Variants in DST observed in about 807,000 individuals in gnomAD.
DST encodes dystonin.
In DST, 253 loss-of-function variants were observed where a neutral mutation model predicts 875.2. The observed-to-expected ratio is 0.29, with a 90% CI of 0.26 to 0.32. DST has a LOEUF of 0.32. Among genes scored for constraint, DST ranks in the 10% least tolerant of loss-of-function variants. The pLI, the probability that DST is intolerant of heterozygous loss-of-function variation, is 1.00. For synonymous variants in DST, 3,124 were observed against 3,197.1 expected (o/e 0.98, Z 0.77); for missense variants, 8,287 against 9,111.6 (o/e 0.91, Z 3.68).
In DST at chr6:56,607,156, A is replaced by G. The variant is rs370594652; in HGVS notation, c.7472T>C (p.Leu2491Pro). Residue 2491 changes from leucine (L) to proline (P), a missense_variant, in exon 40 of 104, where the codon CTG (leucine) becomes CCG (proline). By Grantham distance (98) the Leu-to-Pro change is moderately conservative. This residue lies in a region of DST where 3,138 missense variants were observed against 3,116.6 expected (regional missense o/e 1.01). Transcript: ENST00000680361. ...ACTGATGTTAATAGCTGCAATTCCC[A>G]GAAACTGGTCTTGAAATTTTTCTCC... Reference protein sequence around the residue: ...RIGEKFQDQFLGIAAINISLP... With the variant: ...RIGEKFQDQFPGIAAINISLP... The G allele has an allele frequency of 5.0e-6, 8 of 1,613,308 alleles. No individual in the cohort carries two copies. The African/African-American group carries it at 1.1e-4, about 22-fold the overall frequency.
chr6:56,637,297 A>C (rs2098835346), intron 22 of DST, among the ~76,000 whole-genome samples: 1 of 152,164 alleles, frequency 6.6e-6, no homozygotes, highest in African/African-American at 2.4e-5. Context: ...TACGGGAAAA[A>C]ATATTTAAAA....
At chr6:56,661,590 G>GTTT (rs111894650) in intron 10 of DST, among the ~76,000 whole-genome samples, 33 of 145,570 alleles carry the variant, frequency 2.3e-4, no homozygotes, top group African/African-American at 8.0e-4. Flanking sequence ...CACTCTAACA[G>GTTT]TTTTTTTTTT....
chr6:56,646,212 C>A, intron 13 of DST, 30 bp from the exon 14 acceptor site: 1 of 1,267,242 alleles, frequency 7.9e-7, no homozygotes, highest in Non-Finnish European at 1.1e-6. Context: ...AAATTAAGGA[C>A]CAAACTTAAA....
intron 49 of DST, among the ~76,000 whole-genome samples, chr6:56,587,809 C>A (rs558779958): frequency 6.6e-6 from 1 of 151,962 alleles, no homozygotes; most frequent in Admixed American, 6.6e-5. Flanking sequence ...TCCAGCCAAA[C>A]TAAGCTTCAT....
intron 4 of DST, chr6:56,842,974 G>C: frequency 7.9e-7 from 1 of 1,258,816 alleles, no homozygotes; most frequent in South Asian, 3.0e-5. Flanking sequence ...CCCAAGGAGT[G>C]GTGGCTCTGA....
intron 2 of DST, among the ~76,000 whole-genome samples, chr6:56,937,288 G>T (rs1225771353): frequency 3.3e-5 from 5 of 151,944 alleles, no homozygotes; most frequent in Non-Finnish European, 7.4e-5. Context: ...TAAAGAATTT[G>T]TATCCAGAAT....
chr6:56,611,692 C>A, intron 37 of DST, 96 bp from the exon 38 acceptor site: 1 of 856,448 alleles, frequency 1.2e-6, no homozygotes, highest in Admixed American at 2.6e-5. Flanking sequence ...TTAGTCAAGA[C>A]CCAAGTCTAT....
At chr6:56,893,475 T>C (rs1022739596) in intron 3 of DST, among the ~76,000 whole-genome samples, 4 of 149,744 alleles carry the variant, frequency 2.7e-5, no homozygotes, top group African/African-American at 4.9e-5. Flanking sequence ...CGTGTACAAG[T>C]ATATTTTTCA....
intron 5 of DST, among the ~76,000 whole-genome samples, chr6:56,722,794 T>C (rs1488923446): frequency 6.6e-6 from 1 of 152,180 alleles, no homozygotes; most frequent in African/African-American, 2.4e-5. Flanking sequence ...TAGCTGAACA[T>C]GTACAAAGGC....
rs13209548 is a variant in DST at position 56,605,892 on chromosome 6, G to A, written c.8736C>T (p.Asn2912=). 0.39 allele frequency: 630,016 copies of A among 1,611,892 alleles called. 125,690 individuals are homozygous for A. The highest frequency in any genetic ancestry group is 0.49 in the African/African-American group (36,395 of 74,844). ...IAGKSKENLL[N]HEMVLKDVLP... ...ATACATCCTTAAGTACCATCTCATG[G>A]TTCAACAGATTTTCTTTGCTTTTTC... The change falls in exon 40 of 104, where the codon AAC becomes AAT. Residue 2912 remains asparagine, a synonymous_variant. Transcript: ENST00000680361.
intron 5 of DST, among the ~76,000 whole-genome samples, chr6:56,713,669 C>A (rs1054978877): frequency 1.1e-4 from 17 of 152,134 alleles, no homozygotes; most frequent in African/African-American, 1.9e-4. Context: ...TCTGGTCATG[C>A]CATCATGGGC....
chr6:56,522,463 G>C (rs1013025915), intron 69 of DST, among the ~76,000 whole-genome samples: 1 of 152,064 alleles, frequency 6.6e-6, no homozygotes, highest in Non-Finnish European at 1.5e-5. Context: ...CCCCTTACTG[G>C]GGATCTTATC....
chr6:56,544,452 T>A (rs1266679666), intron 61 of DST, among the ~76,000 whole-genome samples: 1 of 152,142 alleles, frequency 6.6e-6, no homozygotes, highest in Non-Finnish European at 1.5e-5. Context: ...ACATATAACC[T>A]CACATTTGAG....
intron 2 of DST, among the ~76,000 whole-genome samples, chr6:56,913,897 A>G (rs1799773078): frequency 6.6e-6 from 1 of 152,116 alleles, no homozygotes; most frequent in Non-Finnish European, 1.5e-5. Flanking sequence ...GATTTTTTTT[A>G]TATTTAGACT....
At chr6:56,852,731 C>T (rs1377209844) in intron 3 of DST, among the ~76,000 whole-genome samples, 1 of 152,214 alleles carries the variant, frequency 6.6e-6, no homozygotes, top group Non-Finnish European at 1.5e-5. Flanking sequence ...TTCGCTGAGA[C>T]TCATGGTAAA....
At position 56,632,058 on chromosome 6, in the gene DST, T is replaced by G. The variant is rs768953038; in HGVS notation, c.3806-18A>C. Reference sequence around the variant, plus strand: ...TTGCTCCTCTGTGAAAATAAATATGTTTAGAAAATACCTTGTTTTCTATCT... The same window carrying G: ...TTGCTCCTCTGTGAAAATAAATATGGTTAGAAAATACCTTGTTTTCTATCT... On this transcript the variant is annotated intron_variant, in intron 28 of 103. Coordinates refer to ENST00000680361, the MANE Select transcript of DST (RefSeq NM_001374736.1). The G allele has an allele frequency of 1.9e-6, 3 of 1,595,082 alleles. No individual in the cohort carries two copies. The African/African-American group carries it at 4.0e-5, about 21-fold the overall frequency.
intron 4 of DST, among the ~76,000 whole-genome samples, chr6:56,844,642 A>G (rs1470088365): frequency 6.6e-6 from 1 of 152,140 alleles, no homozygotes; most frequent in East Asian, 1.9e-4. Context: ...TGGGAGGCCG[A>G]GGCGGGTGGA....
chr6:56,727,084 C>T (rs2099464076), intron 5 of DST, among the ~76,000 whole-genome samples: 2 of 152,182 alleles, frequency 1.3e-5, no homozygotes, highest in Admixed American at 1.3e-4. Context: ...ACCTGCCTCC[C>T]ATTCTATTCA....
chr6:56,538,751 T>C (rs2097064817), intron 61 of DST, among the ~76,000 whole-genome samples: 1 of 152,214 alleles, frequency 6.6e-6, no homozygotes, highest in Non-Finnish European at 1.5e-5. Flanking sequence ...TGGCAGTTTA[T>C]ATATAACAAT....
Sources: allele counts gnomAD v4.1 joint callset (sites outside exome capture counted in the v4.1 genomes callset), GRCh38; gene constraint gnomAD v4.1.1; regional missense constraint gnomAD v4.1.1; transcripts MANE v1.5; gene names NCBI Gene and HGNC (gene_info 2026-07-23, HGNC 2026-07-21).